Variants in COL4A4 observed in about 807,000 individuals in gnomAD.
The protein encoded by COL4A4 is collagen type IV alpha 4 chain, also known as collagen alpha-4(IV) chain.
COL4A4 carries 105 observed loss-of-function variants against 192.9 expected under a neutral mutation model. The observed-to-expected ratio is 0.54, with a 90% CI of 0.46 to 0.64. The LOEUF (loss-of-function observed/expected upper bound fraction) is 0.64. Ranked by LOEUF, COL4A4 falls within the 30% of genes least tolerant of loss-of-function variation. The pLI is 0.00. For synonymous variants in COL4A4, 762 were observed against 769.9 expected, an observed-to-expected ratio of 0.99 and a Z score of 0.17; for missense variants, 1,967 against 2,169.3, an observed-to-expected ratio of 0.91 and a Z score of 1.85.
chr2:226,972,300 T>G, the COL4A4 span, among the ~76,000 whole-genome samples: 1 of 152,172 alleles, frequency 6.6e-6, no homozygotes, highest in Non-Finnish European at 1.5e-5. Flanking sequence ...GGTGTATATG[T>G]GCCACATTTT....
rs1967570883 is a variant in COL4A4 at position 227,028,648 on chromosome 2, TTA to T, written c.3974-641_3974-640del. ...CTATGCTCTTTATAAAAGAAATTTA[TTA>T]TTATTATTATTATTATTATTATTAT... On this transcript the variant is annotated intron_variant, in intron 41 of 47. Coordinates refer to ENST00000396625, the MANE Select transcript of COL4A4 (RefSeq NM_000092.5). Among the ~76,000 whole-genome samples, 10 of 23,810 alleles carry T rather than the reference TTA, an allele frequency of 4.2e-4. 1 individual carries two copies. The highest frequency in any genetic ancestry group is 2.0e-3 in the East Asian group (1 of 512). The allele number at this position is 23,810 out of a possible 152,430, so 15.6% of individuals were successfully genotyped here.
At chr2:227,148,993 G>A (rs1192110942) in intron 1 of COL4A4, among the ~76,000 whole-genome samples, 1 of 151,776 alleles carries the variant, frequency 6.6e-6, no homozygotes, top group African/African-American at 2.4e-5. Flanking sequence ...ACCACACCCG[G>A]CTAATTTTTT....
At chr2:227,119,717 G>A (rs951353413) in intron 6 of COL4A4, among the ~76,000 whole-genome samples, 178 bp downstream of exon 6, 17 of 148,322 alleles carry the variant, frequency 1.1e-4, no homozygotes, top group African/African-American at 3.9e-4. Flanking sequence ...ATATTATGGT[G>A]AAAGATATAT....
At chr2:227,163,180 G>A (rs1012928456) in intron 1 of COL4A4, among the ~76,000 whole-genome samples, 8 of 152,206 alleles carry the variant, frequency 5.3e-5, no homozygotes, top group Non-Finnish European at 8.8e-5. Context: ...TTTACTTTTA[G>A]TAACATGTCA....
In COL4A4 at chr2:227,052,344, G is replaced by A; in HGVS notation, c.2929C>T (p.Pro977Ser). 1.2e-6 allele frequency: 2 copies of A among 1,613,190 alleles called. No individual in the cohort carries two copies. The highest frequency in any genetic ancestry group is 1.7e-6 in the Non-Finnish European group (2 of 1,179,180). The change falls in exon 32 of 48, where the codon CCT becomes TCT. Residue 977 changes from proline to serine, a missense_variant. Physicochemically the swap from Pro to Ser is moderately conservative, Grantham distance 74. Coordinates refer to ENST00000396625, the MANE Select transcript of COL4A4 (RefSeq NM_000092.5). ...IISQKGTPGE[P>S]GPPGDDGFPG... is the part of the protein sequence containing the mutation. ...AATCCATCATCTCCAGGAGGTCCAG[G>A]TTCCCCAGGTGTTCCCTTTTGTGAA... is the stretch of plus-strand genomic sequence containing the variant.
intron 25 of COL4A4, among the ~76,000 whole-genome samples, chr2:227,067,056 G>A (rs1053899338): frequency 6.6e-6 from 1 of 151,444 alleles, no homozygotes; most frequent in African/African-American, 2.4e-5. Context: ...AAAAAGGCAG[G>A]GATTGCAATC....
chr2:226,985,739 G>C, the COL4A4 span, among the ~76,000 whole-genome samples: 2 of 152,196 alleles, frequency 1.3e-5, no homozygotes, highest in African/African-American at 4.8e-5. Flanking sequence ...CCACACCAAC[G>C]TTAGCAGACC....
intron 25 of COL4A4, among the ~76,000 whole-genome samples, chr2:227,067,706 G>T (rs1370800048): frequency 6.6e-6 from 1 of 152,130 alleles, no homozygotes; most frequent in Non-Finnish European, 1.5e-5. Context: ...TCTCTGGGAT[G>T]CACTCAAAGC....
In COL4A4 at chr2:227,008,243, G is replaced by A. The variant is rs747986400; in HGVS notation, c.4584C>T (p.His1528=). The A allele has an allele frequency of 5.0e-6, 8 of 1,614,254 alleles. No individual in the cohort carries two copies. The highest frequency in any genetic ancestry group is 6.8e-6 in the Non-Finnish European group (8 of 1,180,040). Residue 1528 remains histidine (H), a synonymous_variant, in exon 47 of 48, where the codon CAC becomes CAT. Coordinates refer to ENST00000396625, the MANE Select transcript of COL4A4 (RefSeq NM_000092.5). ...TTCTCTGGGCATAGTGGCACACCTG[G>A]TGGATGTTGCAGTAGGCAAAGGGCA... ...STLPFAYCNI[H]QVCHYAQRND...
chr2:227,059,461 G>A lies in COL4A4; in HGVS notation c.2327C>T (p.Ser776Leu). ...GGGTCCTTTTATCCCTGGCACTCCT[G>A]AAAGACCCCTCTTTCCCGGGGGTCC... is the stretch of plus-strand genomic sequence containing the variant. The part of the protein sequence containing the change: ...HLGPPGKRGL[S>L]GVPGIKGPRG... The change falls in exon 28 of 48, where the codon TCA becomes TTA. Residue 776 changes from serine (S) to leucine (L), a missense_variant. Transcript: ENST00000396625. The A allele has an allele frequency of 6.2e-7, 1 of 1,614,114 alleles. No individual in the cohort carries two copies.
chr2:227,102,948 C>T, intron 14 of COL4A4, 100 bp from the exon 15 acceptor site: 2 of 1,219,308 alleles, frequency 1.6e-6, no homozygotes, highest in Non-Finnish European at 2.4e-6. Context: ...AAATGAGAAA[C>T]AAAAATTATT....
At chr2:227,079,690 T>G (rs1380688006) in intron 24 of COL4A4, among the ~76,000 whole-genome samples, 1 of 152,196 alleles carries the variant, frequency 6.6e-6, no homozygotes, top group Non-Finnish European at 1.5e-5. Flanking sequence ...ATTTTGCCTA[T>G]TTGACAGATG....
intron 4 of COL4A4, among the ~76,000 whole-genome samples, chr2:227,122,145 A>C (rs117245708): frequency 0.011 from 1,729 of 152,286 alleles, 25 homozygotes; most frequent in East Asian, 0.052. Flanking sequence ...CTCAGAACCC[A>C]TGTCTCAGGG....
At chr2:227,160,513 G>C (rs2064737450) in intron 1 of COL4A4, among the ~76,000 whole-genome samples, 1 of 152,102 alleles carries the variant, frequency 6.6e-6, no homozygotes, top group African/African-American at 2.4e-5. Context: ...GAATTTCCAG[G>C]AGGTCCCTGA....
intron 37 of COL4A4, among the ~76,000 whole-genome samples, chr2:227,034,992 T>TTTGGGATAAAA (rs902222488): frequency 2.0e-5 from 3 of 151,920 alleles, no homozygotes; most frequent in Admixed American, 2.0e-4. Context: ...ATCTCTCAAA[T>TTTGGGATAAAA]TTGGGATAAA....
intron 20 of COL4A4, among the ~76,000 whole-genome samples, chr2:227,090,347 G>T (rs62226771): frequency 0.077 from 11,707 of 152,204 alleles, 475 homozygotes; most frequent in East Asian, 0.18. Context: ...TGGAAAAGCA[G>T]AGCTTATAGA....
At position 227,164,146 on chromosome 2, in the gene COL4A4, G is replaced by A. The variant is rs1419539653; in HGVS notation, c.-241C>T. The stretch of plus-strand genomic sequence containing the variant: ...GCCCGGCGGCCGCAAGTTGGAGGCG[G>A]GCTGGAGGCGGGGAACGCGGACCGC... On this transcript the variant is annotated 5_prime_UTR_variant, in exon 1 of 48. Transcript: ENST00000396625. The surrounding 1 kb of genome is among the most constrained non-coding windows in gnomAD (Gnocchi z 4.8). 3 of 152,590 alleles carry A rather than the reference G, an allele frequency of 2.0e-5. No homozygotes were observed. The highest frequency in any genetic ancestry group is 7.2e-5 in the African/African-American group (3 of 41,568). 9.5% of individuals were successfully genotyped at this position (152,590 alleles called of 1,614,324 possible).
At chr2:226,995,957 A>G in the COL4A4 span, 1 of 162,502 alleles carries the variant, frequency 6.2e-6, no homozygotes, top group Admixed American at 6.3e-5. Context: ...CTCCTGGCGC[A>G]TTGCCACTGT....
At chr2:227,140,348 A>T in intron 3 of COL4A4, 110 bp from the exon 4 acceptor site, 1 of 839,746 alleles carries the variant, frequency 1.2e-6, no homozygotes, top group East Asian at 2.5e-5. Context: ...CCATGAGAAG[A>T]AAAGACTAAT....
Sources: allele counts gnomAD v4.1 joint callset (sites outside exome capture counted in the v4.1 genomes callset), GRCh38; gene constraint gnomAD v4.1.1; non-coding constraint Gnocchi (gnomAD v3.1); transcripts MANE v1.5; gene names NCBI Gene and HGNC (gene_info 2026-07-23, HGNC 2026-07-21).